Variants in MYO16 observed in about 807,000 individuals in gnomAD.
MYO16 encodes the protein unconventional myosin-XVI.
Under a neutral mutation model 205.3 loss-of-function variants are expected in MYO16, and 94 were observed. The observed-to-expected ratio is 0.46, with a 90% CI of 0.39 to 0.54. The LOEUF (loss-of-function observed/expected upper bound fraction) is 0.54, where lower values mean the gene tolerates loss of function less well. MYO16 is among the 20% of genes least tolerant of loss of function. The pLI is 0.00. For synonymous variants in MYO16, 988 were observed against 954.0 expected, an observed-to-expected ratio of 1.04 and a Z score of -0.66; for missense variants, 2,315 against 2,387.5, an observed-to-expected ratio of 0.97 and a Z score of 0.63.
chr13:108,756,704 AAC>A (rs200587177), intron 4 of MYO16, among the ~76,000 whole-genome samples: 15 of 147,548 alleles, frequency 1.0e-4, no homozygotes, highest in South Asian at 2.1e-4. Context: ...TATAGAAAAA[AAC>A]AAAGGAAAAT....
intron 32 of MYO16, among the ~76,000 whole-genome samples, chr13:109,145,765 G>A (rs1432933494): frequency 1.3e-5 from 2 of 152,184 alleles, no homozygotes; most frequent in East Asian, 3.9e-4. Context: ...GCTCTGAATG[G>A]CATCTCAGCG....
chr13:109,103,953 A>G (rs751815787), intron 28 of MYO16, among the ~76,000 whole-genome samples: 2 of 152,112 alleles, frequency 1.3e-5, no homozygotes, highest in Non-Finnish European at 2.9e-5. Flanking sequence ...CATAGTTTTT[A>G]TTTTATTTTA....
intron 13 of MYO16, among the ~76,000 whole-genome samples, chr13:108,885,068 C>G (rs896264035): frequency 6.6e-6 from 1 of 152,152 alleles, no homozygotes; most frequent in African/African-American, 2.4e-5. Context: ...GAGGTGGGGG[C>G]TCCAACCCAT....
chr13:108,997,730 C>T (rs969269434), intron 21 of MYO16, among the ~76,000 whole-genome samples: 9 of 151,968 alleles, frequency 5.9e-5, no homozygotes, highest in South Asian at 4.2e-4. Context: ...CCCAGCTACT[C>T]GGGAGGGTGA....
intron 9 of MYO16, among the ~76,000 whole-genome samples, chr13:108,824,644 A>C (rs1876157398): frequency 6.6e-6 from 1 of 152,118 alleles, no homozygotes; most frequent in Non-Finnish European, 1.5e-5. Flanking sequence ...TATTTAGAGC[A>C]CTTCATCCAG....
chr13:108,500,206 GTTTTTTTTTTTT>G, the MYO16 span, among the ~76,000 whole-genome samples: 4 of 11,950 alleles, frequency 3.3e-4, no homozygotes, highest in South Asian at 0.013. Context: ...GTTGATTCCT[GTTTTTTTTTTTT>G]TTGTTTTTTT....
upstream of MYO16, among the ~76,000 whole-genome samples, chr13:108,594,394 C>T (rs550283225): frequency 1.9e-3 from 282 of 152,052 alleles, 2 homozygotes; most frequent in African/African-American, 6.5e-3. Context: ...CCCTGCAGGT[C>T]GCAGGTCGTG....
At chr13:108,981,402 A>G (rs544552165) in intron 20 of MYO16, among the ~76,000 whole-genome samples, 7 of 152,380 alleles carry the variant, frequency 4.6e-5, no homozygotes, top group African/African-American at 1.7e-4. Context: ...CATGCCATGT[A>G]CAATATAAGT....
At chr13:109,133,189 C>T (rs1876619121) in intron 31 of MYO16, among the ~76,000 whole-genome samples, 2 of 152,200 alleles carry the variant, frequency 1.3e-5, no homozygotes, top group Admixed American at 6.5e-5. Flanking sequence ...CACTCATGTA[C>T]GCAGCCTCAG....
At position 108,598,465 on chromosome 13, in the gene MYO16, A is replaced by G. The variant is rs376348256; in HGVS notation, c.-39+2226A>G. ...ATTCAAATGCATATAACAAACCAAA[A>G]GCAAATTGTCTTTCCATGGTAGAAC... is the stretch of plus-strand genomic sequence containing the variant. On this transcript the variant is annotated intron_variant, in intron 1 of 24. Transcript: ENST00000251041. Among the ~76,000 whole-genome samples, 68 of 152,362 alleles carry G rather than the reference A, an allele frequency of 4.5e-4. No individual in the cohort carries two copies. The East Asian group carries it at 5.2e-3, about 12-fold the overall frequency.
chr13:108,798,551 G>C (rs1416276274), intron 6 of MYO16, among the ~76,000 whole-genome samples: 1 of 152,064 alleles, frequency 6.6e-6, no homozygotes. Flanking sequence ...GTATATGAAG[G>C]TGAATTCATC....
intron 4 of MYO16, among the ~76,000 whole-genome samples, chr13:108,730,837 G>A (rs1229474818): frequency 2.0e-5 from 3 of 152,158 alleles, no homozygotes; most frequent in African/African-American, 7.2e-5. Flanking sequence ...ATTAGGATGT[G>A]GAGAGTTCTA....
intron 28 of MYO16, among the ~76,000 whole-genome samples, chr13:109,104,915 TCTC>T: frequency 6.6e-6 from 1 of 152,270 alleles, no homozygotes; most frequent in South Asian, 2.1e-4. Flanking sequence ...TCTGCTTTGT[TCTC>T]CTCCATGGTG....
intron 34 of MYO16, among the ~76,000 whole-genome samples, chr13:109,204,255 T>C (rs1454603728): frequency 6.6e-6 from 1 of 152,222 alleles, no homozygotes; most frequent in Non-Finnish European, 1.5e-5. Context: ...AAACATGGTG[T>C]CTTAAGAAAA....
At chr13:108,905,819 T>G (rs1880945389) in intron 15 of MYO16, among the ~76,000 whole-genome samples, 2 of 152,134 alleles carry the variant, frequency 1.3e-5, no homozygotes, top group South Asian at 2.1e-4. Context: ...CTGGAAGACA[T>G]AGAGAGTCCA....
At chr13:108,808,203 A>G (rs1887173203) in intron 7 of MYO16, among the ~76,000 whole-genome samples, 1 of 152,166 alleles carries the variant, frequency 6.6e-6, no homozygotes, top group South Asian at 2.1e-4. Flanking sequence ...CACAAAAAGT[A>G]TCCCTACAAT....
upstream of MYO16, among the ~76,000 whole-genome samples, chr13:108,626,344 A>G (rs1018314711): frequency 4.6e-5 from 7 of 152,186 alleles, no homozygotes; most frequent in Admixed American, 1.3e-4. Context: ...ATTGTGCTTT[A>G]TGCGTTTGAA....
chr13:108,560,486 G>T, the MYO16 span, among the ~76,000 whole-genome samples: 1 of 152,182 alleles, frequency 6.6e-6, no homozygotes, highest in African/African-American at 2.4e-5. Context: ...GGATATTCCA[G>T]TAAAAGGGTA....
At chr13:108,565,970 A>G in the MYO16 span, among the ~76,000 whole-genome samples, 291 of 150,950 alleles carry the variant, frequency 1.9e-3, no homozygotes, top group African/African-American at 6.0e-3. Flanking sequence ...AATATTTGTC[A>G]GAGATATTGG....
Sources: gnomAD v4.1 joint callset for allele counts (sites outside exome capture counted in the v4.1 genomes callset) on GRCh38, gnomAD v4.1.1 for gene constraint, MANE v1.5 for transcripts, NCBI Gene and HGNC (gene_info 2026-07-23, HGNC 2026-07-21) for gene names.